COL8A1: variants seen among roughly 807,000 people sequenced by gnomAD.
COL8A1 encodes collagen alpha-1(VIII) chain.
In COL8A1, 21 loss-of-function variants were observed where a neutral mutation model predicts 42.7. That is an observed-to-expected ratio of 0.49 (90% confidence interval 0.35 to 0.71). COL8A1 has a LOEUF of 0.71. COL8A1 is among the 30% of genes least tolerant of loss of function. The pLI is 0.01. For missense variants in COL8A1, 788 were observed against 962.4 expected, an observed-to-expected ratio of 0.82 and a Z score of 2.40; for synonymous variants, 367 against 369.1, an observed-to-expected ratio of 0.99 and a Z score of 0.06.
chr3:99,733,352 T>C (rs1262346758), intron 1 of COL8A1, among the ~76,000 whole-genome samples: 1 of 135,482 alleles, frequency 7.4e-6, no homozygotes, highest in Non-Finnish European at 1.6e-5. Flanking sequence ...CCTGTGTCCA[T>C]GTGATCTCAT....
chr3:99,736,201 A>G (rs1171545358), intron 1 of COL8A1, among the ~76,000 whole-genome samples: 1 of 151,962 alleles, frequency 6.6e-6, no homozygotes, highest in African/African-American at 2.4e-5. Context: ...TAGCTTTTGA[A>G]TGTGTTTGCT....
chr3:99,654,004 T>C (rs1421569811), intron 1 of COL8A1, among the ~76,000 whole-genome samples: 1 of 152,018 alleles, frequency 6.6e-6, no homozygotes, highest in African/African-American at 2.4e-5. Context: ...ACCTCAAAAG[T>C]AGGGAGGCGG....
intron 2 of COL8A1, among the ~76,000 whole-genome samples, chr3:99,787,109 A>G (rs1013401207): frequency 3.3e-5 from 5 of 152,224 alleles, no homozygotes; most frequent in African/African-American, 1.2e-4. Context: ...CAACAGATTA[A>G]ATATTTAAAC....
intron 2 of COL8A1, among the ~76,000 whole-genome samples, chr3:99,750,083 T>C (rs12486703): frequency 2.5e-5 from 3 of 121,086 alleles, no homozygotes; most frequent in Non-Finnish European, 3.3e-5. Context: ...TTGAGACAGA[T>C]TCTTGCTCTG....
rs111294899 is a variant in COL8A1, at chr3:99,751,323, C to T, written c.-4+6302C>T. Among the ~76,000 whole-genome samples the T allele has an allele frequency of 3.9e-3, 597 of 152,144 alleles. 3 individuals are homozygous for T. Among genetic ancestry groups the T allele is most frequent in the African/African-American group, 0.013 (557 of 41,502 alleles). On this transcript the variant is annotated intron_variant, in intron 2 of 3. Coordinates refer to ENST00000652472, the MANE Select transcript of COL8A1 (RefSeq NM_020351.4). ...CTGTAATCCCAGCAATATAGGAGGC[C>T]AAAGCGGGCAGATCACCTGAGGTCA...
chr3:99,647,353 A>G (rs1202341039), intron 1 of COL8A1, among the ~76,000 whole-genome samples: 1 of 152,180 alleles, frequency 6.6e-6, no homozygotes, highest in Non-Finnish European at 1.5e-5. Flanking sequence ...TCACTCTAAG[A>G]TATGTAGAGA....
At chr3:99,652,587 C>G (rs1328176292) in intron 1 of COL8A1, among the ~76,000 whole-genome samples, 1 of 152,124 alleles carries the variant, frequency 6.6e-6, no homozygotes, top group Non-Finnish European at 1.5e-5. Flanking sequence ...TTTGGAGCAT[C>G]CTGGTAGCAG....
At chr3:99,783,211 C>G (rs1941827740) in intron 2 of COL8A1, among the ~76,000 whole-genome samples, 1 of 152,128 alleles carries the variant, frequency 6.6e-6, no homozygotes, top group African/African-American at 2.4e-5. Flanking sequence ...CTCTGGAGAA[C>G]CTTTGGAATG....
intron 1 of COL8A1, among the ~76,000 whole-genome samples, chr3:99,715,615 C>A (rs965509380): frequency 3.3e-5 from 5 of 152,024 alleles, no homozygotes; most frequent in Admixed American, 3.3e-4. Context: ...CAGTTCCCAA[C>A]CTCCCAATCC....
chr3:99,685,705 C>G (rs569347260), intron 1 of COL8A1, among the ~76,000 whole-genome samples: 1 of 152,236 alleles, frequency 6.6e-6, no homozygotes, highest in South Asian at 2.1e-4. Context: ...CCTCTGGATA[C>G]TAAAAGCCTA....
rs760894116 is a variant in COL8A1, at chr3:99,795,761, C to G, written c.1860C>G (p.Ala620=). 11 of 1,614,154 alleles carry G rather than the reference C, an allele frequency of 6.8e-6. No individual in the cohort carries two copies. The highest frequency in any genetic ancestry group is 9.3e-6 in the Non-Finnish European group (11 of 1,180,006). ...GPAYEMPAFT[A]ELTAPFPPVG... is the part of the protein sequence containing the mutation. ...CCTATGAGATGCCTGCATTTACCGC[C>G]GAGCTAACCGCACCTTTCCCACCGG... The change falls in exon 4 of 4, where the codon GCC becomes GCG. Residue 620 remains alanine (A), a synonymous_variant. Coordinates refer to ENST00000652472, the MANE Select transcript of COL8A1 (RefSeq NM_020351.4).
At chr3:99,732,630 T>C (rs1190077194) in intron 1 of COL8A1, among the ~76,000 whole-genome samples, 1 of 152,078 alleles carries the variant, frequency 6.6e-6, no homozygotes. Context: ...GGAACTATAA[T>C]TCAAGATGAG....
chr3:99,656,490 A>C (rs1444963886), intron 1 of COL8A1, among the ~76,000 whole-genome samples: 2 of 151,778 alleles, frequency 1.3e-5, no homozygotes, highest in Non-Finnish European at 2.9e-5. Flanking sequence ...TATTTGTATA[A>C]GAAGAAAAAA....
chr3:99,761,783 A>T (rs1169305784), intron 2 of COL8A1, among the ~76,000 whole-genome samples: 2 of 152,142 alleles, frequency 1.3e-5, no homozygotes, highest in Non-Finnish European at 2.9e-5. Context: ...AAAGAAGAAA[A>T]CAGACACCCT....
At chr3:99,773,442 C>CTATATGTTTCATG (rs1229864527) in intron 2 of COL8A1, among the ~76,000 whole-genome samples, 1 of 152,056 alleles carries the variant, frequency 6.6e-6, no homozygotes, top group African/African-American at 2.4e-5. Context: ...TGATCTACAC[C>CTATATGTTTCATG]TATATGTTTC....
intron 1 of COL8A1, among the ~76,000 whole-genome samples, chr3:99,699,078 A>T (rs1939458846): frequency 6.6e-6 from 1 of 152,218 alleles, no homozygotes; most frequent in African/African-American, 2.4e-5. Context: ...TCTCCACGTG[A>T]TAAATTCAAA....
intron 1 of COL8A1, among the ~76,000 whole-genome samples, chr3:99,737,169 G>A (rs1018633851): frequency 3.3e-5 from 5 of 152,132 alleles, no homozygotes; most frequent in South Asian, 2.1e-4. Context: ...ACACTGATGC[G>A]ACTTGACTCT....
At chr3:99,669,960 A>G (rs560175191) in intron 1 of COL8A1, among the ~76,000 whole-genome samples, 3 of 152,184 alleles carry the variant, frequency 2.0e-5, no homozygotes, top group South Asian at 4.2e-4. Flanking sequence ...AATGTTTTCT[A>G]GAGCCTTCTT....
At chr3:99,683,061 T>C (rs1938938479) in intron 1 of COL8A1, among the ~76,000 whole-genome samples, 3 of 152,246 alleles carry the variant, frequency 2.0e-5, no homozygotes, top group African/African-American at 7.2e-5. Context: ...GCTTTCTCCT[T>C]TGTATGTTCA....
Sources: allele counts gnomAD v4.1 joint callset (sites outside exome capture counted in the v4.1 genomes callset), GRCh38; gene constraint gnomAD v4.1.1; transcripts MANE v1.5; gene names NCBI Gene and HGNC (gene_info 2026-07-23, HGNC 2026-07-21).